The following SEPTIN7 variants were observed in gnomAD, a reference collection of about 807,000 sequenced individuals.
SEPTIN7 encodes the protein septin 7.
SEPTIN7 carries 10 observed loss-of-function variants against 63.3 expected under a neutral mutation model. The ratio of observed to expected loss-of-function variants is 0.16; its 90% confidence interval spans 0.10 to 0.27. SEPTIN7 has a LOEUF of 0.27. SEPTIN7 is among the 10% of genes least tolerant of loss of function. The pLI is 1.00. For missense variants in SEPTIN7, 310 were observed against 521.0 expected (o/e 0.59, Z 3.94); for synonymous variants, 131 against 165.3 (o/e 0.79, Z 1.59).
At chr7:35,805,335 T>C (rs575003871) in intron 1 of SEPTIN7, among the ~76,000 whole-genome samples, 1 of 152,336 alleles carries the variant, frequency 6.6e-6, no homozygotes, top group Admixed American at 6.5e-5. Flanking sequence ...ACGTTGGACA[T>C]ACTGCATGAC....
intron 1 of SEPTIN7, among the ~76,000 whole-genome samples, chr7:35,823,252 A>T (rs1487105548): frequency 2.6e-5 from 4 of 152,102 alleles, no homozygotes; most frequent in Non-Finnish European, 5.9e-5. Context: ...CCCAGGCTGG[A>T]GTACAATAGC....
Position 35,882,388 on chromosome 7 carries a change from G to A in SEPTIN7, c.631-96G>A, listed in dbSNP as rs141819698. 13 of 877,664 alleles carry A rather than the reference G, an allele frequency of 1.5e-5. No individual in the cohort carries two copies. In the African/African-American group the frequency reaches 1.6e-4, roughly 11 times the overall value. The allele number at this position is 877,664 out of a possible 1,614,324, so 54.4% of individuals were successfully genotyped here. On this transcript the variant is annotated intron_variant, in intron 7 of 13. Coordinates refer to ENST00000350320, the MANE Select transcript of SEPTIN7 (RefSeq NM_001788.6). ...AAAACAGTAAAGGATCTGGAACCAA[G>A]GACCCATATAGGAATCGAAGAGGCA...
At chr7:35,827,600 C>T (rs1783584641) in intron 1 of SEPTIN7, among the ~76,000 whole-genome samples, 1 of 152,102 alleles carries the variant, frequency 6.6e-6, no homozygotes, top group African/African-American at 2.4e-5. Flanking sequence ...AAGTGATTCT[C>T]CTGCCTCAGC....
At chr7:35,900,064 G>A (rs1289778236) in intron 12 of SEPTIN7, 1 of 152,096 alleles carries the variant, frequency 6.6e-6, no homozygotes, top group Non-Finnish European at 1.5e-5. Context: ...CATTGCTTTT[G>A]TAATTACCGC....
intron 11 of SEPTIN7, among the ~76,000 whole-genome samples, chr7:35,896,332 A>G (rs1787958508): frequency 6.6e-6 from 1 of 152,182 alleles, no homozygotes; most frequent in Non-Finnish European, 1.5e-5. Flanking sequence ...ATACACATTC[A>G]GTTACTTAAG....
chr7:35,908,485 A>G (rs367591864), downstream of SEPTIN7, among the ~76,000 whole-genome samples: 38 of 152,242 alleles, frequency 2.5e-4, no homozygotes, highest in Middle Eastern at 3.4e-3. Flanking sequence ...CTGAAACCCT[A>G]TTGGCCACAC....
chr7:35,834,080 G>A (rs990794199), intron 3 of SEPTIN7, among the ~76,000 whole-genome samples: 2 of 151,892 alleles, frequency 1.3e-5, no homozygotes, highest in Non-Finnish European at 2.9e-5. Context: ...TCTAGATAGA[G>A]GGATAAAATA....
intron 3 of SEPTIN7, among the ~76,000 whole-genome samples, chr7:35,858,570 T>C (rs775602864): frequency 1.3e-5 from 2 of 152,094 alleles, no homozygotes; most frequent in African/African-American, 2.4e-5. Flanking sequence ...TGGCCAGGAT[T>C]ATCTCAATCT....
At chr7:35,896,239 T>A (rs1787954996) in intron 11 of SEPTIN7, among the ~76,000 whole-genome samples, 2 of 152,228 alleles carry the variant, frequency 1.3e-5, no homozygotes, top group African/African-American at 4.8e-5. Flanking sequence ...ATTTTATAGA[T>A]GAGTTGTATA....
At chr7:35,899,805 G>A (rs1348448768) in intron 12 of SEPTIN7, 2 of 152,256 alleles carry the variant, frequency 1.3e-5, no homozygotes, top group Admixed American at 1.3e-4. Context: ...GATTACTTGA[G>A]CCTGGGAGAT....
At chr7:35,840,472 C>T (rs539643323) in intron 3 of SEPTIN7, among the ~76,000 whole-genome samples, 1 of 151,652 alleles carries the variant, frequency 6.6e-6, no homozygotes, top group East Asian at 1.9e-4. Flanking sequence ...GAGATGGGGT[C>T]TCACTGTGTT....
At position 35,898,369 on chromosome 7, in the gene SEPTIN7, G is replaced by A; in HGVS notation, c.1120G>A (p.Asp374Asn). The A allele has an allele frequency of 6.5e-7, 1 of 1,547,438 alleles. No homozygotes were observed. The highest frequency in any genetic ancestry group is 8.7e-7 in the Non-Finnish European group (1 of 1,143,824). The change falls in exon 12 of 14, where the codon GAC becomes AAC. Residue 374 changes from aspartate (D) to asparagine (N), a missense_variant. Physicochemically the swap from Asp to Asn is conservative, Grantham distance 23. Around this residue, in one of 2 missense-constraint regions of SEPTIN7, gnomAD observed 255 missense variants for 490.5 expected, o/e 0.52. Coordinates refer to ENST00000350320, the MANE Select transcript of SEPTIN7 (RefSeq NM_001788.6). ...KVKEKVQKLKDSEAELQRRHE... is the reference protein window; with the variant it reads ...KVKEKVQKLKNSEAELQRRHE... ...CAAAGAAAAAGTTCAAAAACTGAAG[G>A]ACTCTGAAGCTGAGGTAATCAGTCT...
intron 1 of SEPTIN7, among the ~76,000 whole-genome samples, chr7:35,802,987 G>T (rs988201391): frequency 6.6e-6 from 1 of 152,118 alleles, no homozygotes; most frequent in African/African-American, 2.4e-5. Context: ...ACAACATGAT[G>T]GAACCAGGTC....
the SEPTIN7 span, among the ~76,000 whole-genome samples, chr7:35,914,997 CAT>C: frequency 9.9e-5 from 15 of 151,896 alleles, no homozygotes; most frequent in East Asian, 2.1e-3. Flanking sequence ...CGTGTGTACA[CAT>C]ATAATGTATG....
At chr7:35,857,760 G>C (rs1785279531) in intron 3 of SEPTIN7, among the ~76,000 whole-genome samples, 1 of 152,084 alleles carries the variant, frequency 6.6e-6, no homozygotes, top group Admixed American at 6.5e-5. Flanking sequence ...AATTTTTAAA[G>C]AGTATTAAAA....
intron 3 of SEPTIN7, among the ~76,000 whole-genome samples, chr7:35,834,740 A>G (rs181130612): frequency 1.3e-5 from 2 of 152,260 alleles, no homozygotes; most frequent in East Asian, 3.9e-4. Flanking sequence ...AGTATCTAAT[A>G]TGTTGATTTA....
chr7:35,878,895 T>C (rs1786650565), intron 6 of SEPTIN7, among the ~76,000 whole-genome samples: 1 of 152,174 alleles, frequency 6.6e-6, no homozygotes, highest in South Asian at 2.1e-4. Flanking sequence ...GAGCTGTCTA[T>C]GAAGATTTGG....
intron 9 of SEPTIN7, among the ~76,000 whole-genome samples, 156 bp from the exon 10 acceptor site, chr7:35,885,672 A>T (rs1787188585): frequency 6.6e-6 from 1 of 152,214 alleles, no homozygotes; most frequent in East Asian, 1.9e-4. Context: ...TCATGCCCTC[A>T]CATTGAGTGT....
At chr7:35,902,216 T>C (rs1221292644) in intron 12 of SEPTIN7, 3 of 145,288 alleles carry the variant, frequency 2.1e-5, no homozygotes, top group African/African-American at 5.0e-5. Context: ...ATTTGTTGAC[T>C]TTTTTTTTTT....
Sources: allele counts gnomAD v4.1 joint callset (sites outside exome capture counted in the v4.1 genomes callset), GRCh38; gene constraint gnomAD v4.1.1; regional missense constraint gnomAD v4.1.1; transcripts MANE v1.5; gene names NCBI Gene and HGNC (gene_info 2026-07-23, HGNC 2026-07-21).